Variants in ATF7IP observed in about 807,000 individuals in gnomAD.
The protein encoded by ATF7IP is activating transcription factor 7-interacting protein 1.
A neutral mutation model predicts 106.4 loss-of-function variants in ATF7IP; 23 were observed. The ratio of observed to expected loss-of-function variants is 0.22; its 90% CI spans 0.16 to 0.31. The LOEUF (loss-of-function observed/expected upper bound fraction) is 0.31, where lower values mean the gene tolerates loss of function less well. Ranked by LOEUF, ATF7IP falls within the 10% of genes least tolerant of loss-of-function variation. The pLI, the probability that ATF7IP is intolerant of heterozygous loss-of-function variation, is 1.00. For missense variants in ATF7IP, 1,334 were observed against 1,524.3 expected (o/e 0.88, Z 2.08); for synonymous variants, 542 against 539.0 (o/e 1.01, Z -0.08).
At chr12:14,456,530 A>G in intron 6 of ATF7IP, 31 bp from the exon 7 acceptor site, 1 of 1,546,092 alleles carries the variant, frequency 6.5e-7, no homozygotes, top group Non-Finnish European at 8.9e-7. Context: ...GTTGAGTTTT[A>G]TTTTTACCTT....
intron 1 of ATF7IP, among the ~76,000 whole-genome samples, chr12:14,392,284 A>C (rs1939601065): frequency 6.6e-6 from 1 of 151,498 alleles, no homozygotes; most frequent in African/African-American, 2.4e-5. Flanking sequence ...GAGTTGGGAG[A>C]AATCTGGTCT....
intron 1 of ATF7IP, among the ~76,000 whole-genome samples, chr12:14,374,747 A>G (rs1224949300): frequency 6.6e-6 from 1 of 152,128 alleles, no homozygotes; most frequent in Non-Finnish European, 1.5e-5. Flanking sequence ...CTGTGATACA[A>G]ATCCTTGGTT....
chr12:14,415,599 G>C (rs1488615443), intron 1 of ATF7IP, among the ~76,000 whole-genome samples: 2 of 151,794 alleles, frequency 1.3e-5, no homozygotes, highest in Non-Finnish European at 2.9e-5. Context: ...AGGCAGAGGG[G>C]TTAATTTGTG....
At chr12:14,416,817 C>A (rs990170252) in intron 1 of ATF7IP, 37 of 690,616 alleles carry the variant, frequency 5.4e-5, no homozygotes, top group Non-Finnish European at 6.6e-5. Flanking sequence ...TAGACTATTT[C>A]GGCTTTGAGC....
At chr12:14,418,595 A>G (rs748011468) in intron 1 of ATF7IP, among the ~76,000 whole-genome samples, 37 of 152,188 alleles carry the variant, frequency 2.4e-4, no homozygotes, top group Non-Finnish European at 4.7e-4. Flanking sequence ...CCCTTCTCTA[A>G]TGTGTATCTT....
chr12:14,370,593 T>C (rs1292402381), intron 1 of ATF7IP, among the ~76,000 whole-genome samples: 1 of 152,194 alleles, frequency 6.6e-6, no homozygotes, highest in East Asian at 1.9e-4. Flanking sequence ...TATAACCTTA[T>C]ACTATTTTTT....
intron 1 of ATF7IP, among the ~76,000 whole-genome samples, chr12:14,412,475 A>C (rs185321704): frequency 6.6e-6 from 1 of 152,202 alleles, no homozygotes; most frequent in African/African-American, 2.4e-5. Flanking sequence ...TAGTTTTCAG[A>C]ATATTAAGTT....
intron 8 of ATF7IP, among the ~76,000 whole-genome samples, chr12:14,459,181 C>A (rs539317905): frequency 6.6e-6 from 1 of 152,086 alleles, no homozygotes; most frequent in Non-Finnish European, 1.5e-5. Context: ...CTTCAAAATA[C>A]CCAAACGTGA....
At chr12:14,387,298 GA>G (rs1415922246) in intron 1 of ATF7IP, among the ~76,000 whole-genome samples, 8 of 152,030 alleles carry the variant, frequency 5.3e-5, no homozygotes, top group African/African-American at 1.9e-4. Context: ...GTATGACATA[GA>G]AAAGTGAATG....
chr12:14,461,145 T>G lies in ATF7IP; in HGVS notation c.2797+12T>G. On this transcript the variant is annotated intron_variant, in intron 9 of 14. Coordinates refer to ENST00000261168, the MANE Select transcript of ATF7IP (RefSeq NM_018179.5). ...CACCCCAAGAATTGGTAAGTCACCA[T>G]GTAGGTTTAATACTAGAAATGCAAG... 4 of 1,605,166 alleles carry G rather than the reference T, an allele frequency of 2.5e-6. No homozygotes were observed. Among genetic ancestry groups the G allele is most frequent in the Non-Finnish European group, 3.4e-6 (4 of 1,174,552 alleles).
intron 13 of ATF7IP, among the ~76,000 whole-genome samples, chr12:14,494,466 A>G (rs1319595362): frequency 3.4e-5 from 5 of 145,556 alleles, no homozygotes; most frequent in Non-Finnish European, 6.0e-5. Flanking sequence ...GGGTATATAC[A>G]TAAAATATAT....
intron 1 of ATF7IP, among the ~76,000 whole-genome samples, chr12:14,376,724 C>T (rs867353660): frequency 6.6e-6 from 1 of 152,096 alleles, no homozygotes; most frequent in South Asian, 2.1e-4. Flanking sequence ...TTATTCTCTT[C>T]AAAGCTTGGA....
At chr12:14,392,847 AAAAC>A (rs1341524103) in intron 1 of ATF7IP, among the ~76,000 whole-genome samples, 1 of 152,236 alleles carries the variant, frequency 6.6e-6, no homozygotes, top group Non-Finnish European at 1.5e-5. Context: ...CAGTTGAGTC[AAAAC>A]AATTAAAACT....
At chr12:14,430,808 A>G (rs577876807) in intron 2 of ATF7IP, among the ~76,000 whole-genome samples, 157 of 152,312 alleles carry the variant, frequency 1.0e-3, no homozygotes, top group African/African-American at 3.6e-3. Flanking sequence ...AGCTATGGTA[A>G]TTTGTTTACA....
intron 1 of ATF7IP, among the ~76,000 whole-genome samples, chr12:14,369,939 A>AT (rs112750396): frequency 0.019 from 2,665 of 138,572 alleles, 72 homozygotes; most frequent in African/African-American, 0.062. Flanking sequence ...GCATATGTTC[A>AT]TTTTTTTTTT....
chr12:14,419,209 T>C (rs1268639408), intron 1 of ATF7IP: 2 of 152,124 alleles, frequency 1.3e-5, no homozygotes, highest in African/African-American at 4.8e-5. Flanking sequence ...AACTAAGAAA[T>C]TGATGTTAGG....
chr12:14,376,785 T>C (rs1428700007), intron 1 of ATF7IP, among the ~76,000 whole-genome samples: 2 of 152,128 alleles, frequency 1.3e-5, no homozygotes, highest in Non-Finnish European at 2.9e-5. Flanking sequence ...GAAGATTTAG[T>C]AGGCATGATT....
At chr12:14,434,494 G>T (rs1004354888) in intron 3 of ATF7IP, 71 bp downstream of exon 3, 3 of 998,968 alleles carry the variant, frequency 3.0e-6, no homozygotes, top group Admixed American at 4.9e-5. Flanking sequence ...TTACAACCGT[G>T]TAATATTCTT....
chr12:14,424,402 G>A lies in ATF7IP; in HGVS notation c.487G>A (p.Glu163Lys), dbSNP rs369048586. Residue 163 changes from glutamate to lysine, a missense_variant, in exon 2 of 15, where the codon GAG (glutamate) becomes AAG (lysine). This residue lies in a region of ATF7IP where 438 missense variants were observed against 405.3 expected (regional missense o/e 1.08). Transcript: ENST00000261168. ...DSTSGDPTSS[E>K]PSSSDAASGD... is the part of the protein sequence containing the mutation. ...CACCTCTGGTGATCCCACCTCTAGC[G>A]AGCCCTCCTCTAGTGATGCTGCCTC... 6.8e-6 allele frequency: 11 copies of A among 1,613,682 alleles called. No individual in the cohort carries two copies. Among genetic ancestry groups the A allele is most frequent in the Middle Eastern group, 1.6e-4 (1 of 6,084 alleles).
Sources: allele counts gnomAD v4.1 joint callset (sites outside exome capture counted in the v4.1 genomes callset), GRCh38; gene constraint gnomAD v4.1.1; regional missense constraint gnomAD v4.1.1; transcripts MANE v1.5; gene names NCBI Gene and HGNC (gene_info 2026-07-23, HGNC 2026-07-21).